The following DCAF7 variants were observed in gnomAD, a reference collection of about 807,000 sequenced individuals.
The protein encoded by DCAF7 is DDB1- and CUL4-associated factor 7.
In DCAF7, 4 loss-of-function variants were observed where a neutral mutation model predicts 41.2. The ratio of observed to expected loss-of-function variants is 0.10; its 90% CI spans 0.05 to 0.22. DCAF7 has a LOEUF of 0.22. Ranked by LOEUF, DCAF7 falls within the 10% of genes least tolerant of loss-of-function variation. The probability of loss-of-function intolerance (pLI) is 1.00; values close to 1 mark genes in which losing one functional copy is unlikely to be tolerated. For missense variants in DCAF7, 131 were observed against 443.2 expected (o/e 0.30, Z 6.32); for synonymous variants, 143 against 164.2 (o/e 0.87, Z 0.99).
chr17:63,555,921 A>G (rs1380230260), intron 1 of DCAF7, among the ~76,000 whole-genome samples: 2 of 152,240 alleles, frequency 1.3e-5, no homozygotes, highest in South Asian at 4.1e-4. Flanking sequence ...ACTTGCTGCC[A>G]AAGCTCTCGC....
intron 1 of DCAF7, among the ~76,000 whole-genome samples, chr17:63,555,854 C>G (rs1303134682): frequency 1.3e-5 from 2 of 152,222 alleles, no homozygotes; most frequent in African/African-American, 2.4e-5. Flanking sequence ...ATTGGAGATG[C>G]TGTCACTTGA....
chr17:63,559,505 C>T (rs1225640669), intron 1 of DCAF7, among the ~76,000 whole-genome samples: 4 of 145,558 alleles, frequency 2.7e-5, no homozygotes, highest in Non-Finnish European at 6.0e-5. Flanking sequence ...GGATCTCTAC[C>T]TTAAGCTTTG....
chr17:63,553,930 G>A (rs932858234), intron 1 of DCAF7, among the ~76,000 whole-genome samples: 9 of 152,172 alleles, frequency 5.9e-5, no homozygotes, highest in African/African-American at 1.4e-4. Flanking sequence ...AGGGCTGGGC[G>A]TGGTGGCTCA....
intron 1 of DCAF7, among the ~76,000 whole-genome samples, chr17:63,567,536 A>G (rs1016201601): frequency 9.2e-5 from 14 of 152,258 alleles, no homozygotes; most frequent in African/African-American, 3.4e-4. Context: ...AGAAAACACA[A>G]TCAATTTTGG....
chr17:63,550,848 C>G lies in DCAF7; in HGVS notation c.138+33C>G. ...GGGCAGGGGCTCGGAACCCAGCTGG[C>G]GGGGAGCGGGCCCCGGGAGCGCCCT... is the stretch of plus-strand genomic sequence containing the variant. On this transcript the variant is annotated intron_variant, in intron 1 of 6. Transcript: ENST00000614556. The surrounding 1 kb of genome is among the most constrained non-coding windows in gnomAD (Gnocchi z 4.8). 6.2e-7 allele frequency: 1 copy of G among 1,601,318 alleles called. No homozygotes were observed. The highest frequency in any genetic ancestry group is 8.5e-7 in the Non-Finnish European group (1 of 1,173,886).
chr17:63,554,489 C>T (rs2033291055), intron 1 of DCAF7, among the ~76,000 whole-genome samples: 1 of 152,264 alleles, frequency 6.6e-6, no homozygotes, highest in East Asian at 1.9e-4. Flanking sequence ...CTTTTTGTGT[C>T]TGCATGCTCC....
chr17:63,575,843 C>T (rs1399225994), intron 1 of DCAF7, among the ~76,000 whole-genome samples: 3 of 152,144 alleles, frequency 2.0e-5, no homozygotes, highest in Non-Finnish European at 4.4e-5. Flanking sequence ...TTGTAAAATT[C>T]GACAAGCTGA....
chr17:63,582,337 T>G (rs1436624929), intron 4 of DCAF7, among the ~76,000 whole-genome samples: 1 of 152,244 alleles, frequency 6.6e-6, no homozygotes, highest in Non-Finnish European at 1.5e-5. Context: ...TAATATTTAG[T>G]GAGAAATTCT....
chr17:63,594,161 A>C lies in DCAF7; in HGVS notation c.*4989A>C, dbSNP rs2033761558. 1 of 152,652 alleles carries C rather than the reference A, an allele frequency of 6.6e-6. No individual in the cohort carries two copies. The highest frequency in any genetic ancestry group is 2.4e-5 in the African/African-American group (1 of 41,454). The allele number at this position is 152,652 out of a possible 1,614,324, so 9.5% of individuals were successfully genotyped here. On this transcript the variant is annotated 3_prime_UTR_variant, in exon 7 of 7. Transcript: ENST00000614556. ...TATGACTTTCTATTTCTTGTTTCCTAAGTAAATTAAACCTAATTTTCACCC... is the reference window on the plus strand; with the variant it reads ...TATGACTTTCTATTTCTTGTTTCCTCAGTAAATTAAACCTAATTTTCACCC...
In DCAF7 at chr17:63,550,626, G is replaced by A. The variant is rs1012209519; in HGVS notation, c.-52G>A. The A allele has an allele frequency of 1.8e-5, 29 of 1,592,662 alleles. No individual in the cohort carries two copies. The highest frequency in any genetic ancestry group is 2.3e-5 in the Non-Finnish European group (27 of 1,167,642). On this transcript the variant is annotated 5_prime_UTR_variant, in exon 1 of 7. Transcript: ENST00000614556. This position sits in a 1 kb window ranked among gnomAD's most constrained non-coding sequence, Gnocchi z 4.8. ...CCATAGATCTCAGGCTCGGCTCCCCGCCCGCCGCAGCCCACTGTTGACCCG... is the reference window on the plus strand; with the variant it reads ...CCATAGATCTCAGGCTCGGCTCCCCACCCGCCGCAGCCCACTGTTGACCCG...
At position 63,579,468 on chromosome 17, in the gene DCAF7, T is replaced by C. The variant is rs757284352; in HGVS notation, c.409+20T>C. The C allele has an allele frequency of 1.4e-5, 22 of 1,558,424 alleles. No individual in the cohort carries two copies. The highest frequency in any genetic ancestry group is 4.6e-5 in the East Asian group (2 of 43,766). ...TTTTAGGTAAGGGAGTTAGGGAGTATGTATTTCAGCTGGAAGAAGCCAAAA... is the reference window on the plus strand; with the variant it reads ...TTTTAGGTAAGGGAGTTAGGGAGTACGTATTTCAGCTGGAAGAAGCCAAAA... On this transcript the variant is annotated intron_variant, in intron 3 of 6. Coordinates refer to ENST00000614556, the MANE Select transcript of DCAF7 (RefSeq NM_005828.5).
At chr17:63,569,744 ACT>A (rs2147768494) in intron 1 of DCAF7, among the ~76,000 whole-genome samples, 1 of 151,934 alleles carries the variant, frequency 6.6e-6, no homozygotes, top group African/African-American at 2.4e-5. Flanking sequence ...ATGGAGTGTC[ACT>A]CTGTTGCTCA....
At chr17:63,555,880 A>G (rs555043017) in intron 1 of DCAF7, among the ~76,000 whole-genome samples, 3 of 152,336 alleles carry the variant, frequency 2.0e-5, no homozygotes, top group Admixed American at 6.5e-5. Flanking sequence ...GAGTGAATCT[A>G]TGCTCTGTAG....
intron 1 of DCAF7, among the ~76,000 whole-genome samples, chr17:63,570,730 T>G (rs9652863): frequency 0.71 from 107,959 of 152,150 alleles, 39,616 homozygotes; most frequent in African/African-American, 0.92. Context: ...AAAATGGGAA[T>G]TAGTCTAACT....
intron 1 of DCAF7, among the ~76,000 whole-genome samples, chr17:63,556,535 C>T (rs1163407155): frequency 6.6e-6 from 1 of 151,132 alleles, no homozygotes; most frequent in Non-Finnish European, 1.5e-5. Flanking sequence ...TGCCACTGCA[C>T]TCCAGCCTAG....
At position 63,592,469 on chromosome 17, in the gene DCAF7, A is replaced by C. The variant is rs2033745081; in HGVS notation, c.*3297A>C. On this transcript the variant is annotated 3_prime_UTR_variant, in exon 7 of 7. Coordinates refer to ENST00000614556, the MANE Select transcript of DCAF7 (RefSeq NM_005828.5). ...ATAAATCCAGGATTGGCTCTGAGAG[A>C]ACTGGCTAAGATTCAGGAAGAAACA... is the stretch of plus-strand genomic sequence containing the variant. 6.6e-6 allele frequency: 1 copy of C among 152,192 alleles called. No individual in the cohort carries two copies. The allele number at this position is 152,192 out of a possible 1,614,324, so 9.4% of individuals were successfully genotyped here. A position where few individuals can be genotyped will look rare whatever the true frequency, so the allele number is the denominator to read the frequency against.
At chr17:63,551,884 TAAAATACAAAAAAAAAAAAAA>T (rs2033258796) in intron 1 of DCAF7, among the ~76,000 whole-genome samples, 1 of 46,000 alleles carries the variant, frequency 2.2e-5, no homozygotes, top group African/African-American at 8.6e-5. Context: ...CCGTCTCTAC[TAAAATACAAAAAAAAAAAAAA>T]AAAAAAAAAA....
chr17:63,559,391 A>T (rs1251453392), intron 1 of DCAF7, among the ~76,000 whole-genome samples: 2 of 97,074 alleles, frequency 2.1e-5, no homozygotes, highest in African/African-American at 1.3e-4. Flanking sequence ...ATATATGTAT[A>T]TATATATGTA....
intron 6 of DCAF7, among the ~76,000 whole-genome samples, chr17:63,586,583 G>A (rs1220282788): frequency 6.6e-6 from 1 of 152,076 alleles, no homozygotes; most frequent in South Asian, 2.1e-4. Flanking sequence ...GGCCAACATG[G>A]TGAAACCCTG....
Sources: gnomAD v4.1 joint callset for allele counts (sites outside exome capture counted in the v4.1 genomes callset) on GRCh38, gnomAD v4.1.1 for gene constraint, Gnocchi (gnomAD v3.1) non-coding constraint, MANE v1.5 for transcripts, NCBI Gene and HGNC (gene_info 2026-07-23, HGNC 2026-07-21) for gene names.